NTNG2: variants seen among roughly 807,000 people sequenced by gnomAD.
NTNG2 encodes netrin-G2.
Under a neutral mutation model 47.6 loss-of-function variants are expected in NTNG2, and 15 were observed. The observed-to-expected ratio is 0.32, with a 90% CI of 0.21 to 0.49. NTNG2 has a LOEUF of 0.49. NTNG2 is among the 20% of genes least tolerant of loss of function. The pLI is 0.99. For synonymous variants in NTNG2, 307 were observed against 324.6 expected, an observed-to-expected ratio of 0.95 and a Z score of 0.58; for missense variants, 578 against 764.6, an observed-to-expected ratio of 0.76 and a Z score of 2.88.
rs1841827527 is a variant in NTNG2 at position 132,239,096 on chromosome 9, C to T, written c.1055-8C>T. The T allele has an allele frequency of 1.5e-5, 24 of 1,609,866 alleles. No homozygotes were observed. Among genetic ancestry groups the T allele is most frequent in the Non-Finnish European group, 2.0e-5 (23 of 1,176,620 alleles). On this transcript the variant is annotated splice_polypyrimidine_tract_variant and splice_region_variant and intron_variant, in intron 5 of 7. Transcript: ENST00000393229. ...ACCATTGGTATTTCTCCCACTTGGC[C>T]GGCCCAGACTGCGAATGCTACGGTC...
chr9:132,174,304 C>A (rs1283024019), intron 2 of NTNG2, among the ~76,000 whole-genome samples: 1 of 127,656 alleles, frequency 7.8e-6, no homozygotes, highest in Non-Finnish European at 1.6e-5. Flanking sequence ...CACCATGCTG[C>A]GGATGAGACG....
intron 2 of NTNG2, among the ~76,000 whole-genome samples, chr9:132,169,985 G>A (rs535551956): frequency 2.6e-4 from 40 of 152,310 alleles, no homozygotes; most frequent in African/African-American, 8.9e-4. Context: ...CCACCAGGGG[G>A]CGCCCTAATG....
In NTNG2 at chr9:132,198,032, C is replaced by T. The variant is rs766982407; in HGVS notation, c.280C>T (p.Leu94Phe). ...SNPDLAHPPR[L>F]MFDKEEEGLA... is the part of the protein sequence containing the mutation. ...CCCGGACCTGGCCCACCCGCCCAGG[C>T]TCATGTTCGACAAGGAGGAGGAGGG... The change falls in exon 3 of 8, where the codon CTC (leucine) becomes TTC (phenylalanine). Residue 94 changes from leucine to phenylalanine, a missense_variant. By Grantham distance (22) the Leu-to-Phe change is conservative. Transcript: ENST00000393229. The T allele has an allele frequency of 2.3e-5, 37 of 1,613,596 alleles. 2 individuals carry two copies. The South Asian group carries it at 3.2e-4, about 14-fold the overall frequency.
chr9:132,185,919 G>A (rs1372381471), intron 2 of NTNG2, among the ~76,000 whole-genome samples: 1 of 152,006 alleles, frequency 6.6e-6, no homozygotes, highest in Non-Finnish European at 1.5e-5. Flanking sequence ...AGCAGCGGCT[G>A]AGCGCTCCCG....
chr9:132,198,669 G>A, intron 3 of NTNG2, 60 bp downstream of exon 3: 1 of 1,520,324 alleles, frequency 6.6e-7, no homozygotes, highest in Non-Finnish European at 9.0e-7. Flanking sequence ...TGTTACCTGG[G>A]ACGTTATTGG....
At chr9:132,184,305 T>C (rs1399127373) in intron 2 of NTNG2, among the ~76,000 whole-genome samples, 1 of 152,200 alleles carries the variant, frequency 6.6e-6, no homozygotes, top group Non-Finnish European at 1.5e-5. Context: ...AAGACCTGGT[T>C]CTGAGTATGG....
chr9:132,198,633 T>A (rs1345458507), intron 3 of NTNG2, 24 bp downstream of exon 3: 3 of 1,593,028 alleles, frequency 1.9e-6, no homozygotes, highest in Non-Finnish European at 2.6e-6. Context: ...AAGCCCTGGA[T>A]GTCACCTGCA....
intron 3 of NTNG2, among the ~76,000 whole-genome samples, chr9:132,204,705 T>C (rs1341031094): frequency 6.6e-6 from 1 of 152,180 alleles, no homozygotes; most frequent in African/African-American, 2.4e-5. Context: ...TTATGTGCAT[T>C]TCCTCATTAA....
intron 3 of NTNG2, among the ~76,000 whole-genome samples, chr9:132,199,932 T>A (rs929165237): frequency 6.6e-6 from 1 of 152,298 alleles, no homozygotes; most frequent in Middle Eastern, 3.4e-3. Flanking sequence ...TCCCAAAAAC[T>A]GTTTAGACTG....
At chr9:132,202,136 C>G (rs973643328) in intron 3 of NTNG2, among the ~76,000 whole-genome samples, 4 of 152,204 alleles carry the variant, frequency 2.6e-5, no homozygotes, top group Non-Finnish European at 4.4e-5. Context: ...ATGGAGCGAT[C>G]CCACGGGACT....
rs537801861 is a variant in NTNG2, at chr9:132,228,328, G to A, written c.1030+1307G>A. Among the ~76,000 whole-genome samples, 453 of 152,332 alleles carry A rather than the reference G, an allele frequency of 3.0e-3. 2 individuals are homozygous for A. The highest frequency in any genetic ancestry group is 0.015 in the South Asian group (71 of 4,828). On this transcript the variant is annotated intron_variant, in intron 4 of 7. Coordinates refer to ENST00000393229, the MANE Select transcript of NTNG2 (RefSeq NM_032536.4). ...TTGGCAGGCACCCGACAGCACTCTCGGGTCTTCAAAGGCACAAAGAGCACT... is the reference window on the plus strand; with the variant it reads ...TTGGCAGGCACCCGACAGCACTCTCAGGTCTTCAAAGGCACAAAGAGCACT...
intron 3 of NTNG2, among the ~76,000 whole-genome samples, chr9:132,214,267 C>T (rs1451238449): frequency 2.6e-5 from 4 of 152,350 alleles, no homozygotes; most frequent in South Asian, 2.1e-4. Context: ...AGGGAAGGGC[C>T]CCGCTCACGA....
In NTNG2 at chr9:132,208,644, C is replaced by G. The variant is rs935617670; in HGVS notation, c.857+10035C>G. 6.6e-6 allele frequency among the ~76,000 whole-genome samples: 1 copy of G among 152,028 alleles called. No homozygotes were observed. The highest frequency in any genetic ancestry group is 2.4e-5 in the African/African-American group (1 of 41,388). On this transcript the variant is annotated intron_variant, in intron 3 of 7. Transcript: ENST00000393229. This position sits in a 1 kb window ranked among gnomAD's most constrained non-coding sequence, Gnocchi z 4.0. ...TCATGGAGGACTCCCAGGCATCTGGCTTTGAGACACTGGGTGGATGGAAAT... is the reference window on the plus strand; with the variant it reads ...TCATGGAGGACTCCCAGGCATCTGGGTTTGAGACACTGGGTGGATGGAAAT...
intron 3 of NTNG2, among the ~76,000 whole-genome samples, chr9:132,198,822 C>G (rs7022336): frequency 0.11 from 16,578 of 151,836 alleles, 2,709 homozygotes; most frequent in African/African-American, 0.36. Context: ...TTACCTGGTT[C>G]CCTGGGGGTT....
In NTNG2 at chr9:132,215,006, A is replaced by C. The variant is rs1228743560; in HGVS notation, c.858-11843A>C. Among the ~76,000 whole-genome samples the C allele has an allele frequency of 6.6e-6, 1 of 150,442 alleles. No homozygotes were observed. Among genetic ancestry groups the C allele is most frequent in the Non-Finnish European group, 1.5e-5 (1 of 67,678 alleles). On this transcript the variant is annotated intron_variant, in intron 3 of 7. Transcript: ENST00000393229. This position sits in a 1 kb window ranked among gnomAD's most constrained non-coding sequence, Gnocchi z 4.2. The stretch of plus-strand genomic sequence containing the variant: ...ATCCTCCTGCCTCAGCCTCCGAAGT[A>C]GCTAAGATGACAGGTGCTCACCACC...
At position 132,189,840 on chromosome 9, in the gene NTNG2, G is replaced by T. The variant is rs1489008617; in HGVS notation, c.214-8126G>T. On this transcript the variant is annotated intron_variant, in intron 2 of 7. Transcript: ENST00000393229. ...TTTTTTTAATTTTTAGTAGAGACAG[G>T]GTTTCACCATGTTGGCCAGACTGGT... Among the ~76,000 whole-genome samples the T allele has an allele frequency of 2.0e-5, 3 of 150,932 alleles. 1 individual carries two copies. The East Asian group carries it at 6.0e-4, about 30-fold the overall frequency.
rs1158928988 is a variant in NTNG2 at position 132,195,150 on chromosome 9, C to G, written c.214-2816C>G. Among the ~76,000 whole-genome samples, 8 of 152,242 alleles carry G rather than the reference C, an allele frequency of 5.3e-5. No homozygotes were observed. In the East Asian group the frequency reaches 7.7e-4, roughly 15 times the overall value. On this transcript the variant is annotated intron_variant, in intron 2 of 7. Transcript: ENST00000393229. ...CATTAATAGACTTTATATTTTAAAG[C>G]AGTTTTAGATTTACAGAAAATTGAG...
chr9:132,179,682 G>A (rs547986754), intron 2 of NTNG2, among the ~76,000 whole-genome samples: 107 of 152,344 alleles, frequency 7.0e-4, no homozygotes, highest in Middle Eastern at 6.8e-3. Context: ...CCCCATGTGT[G>A]CAGCTTTTTG....
chr9:132,227,047 A>C, intron 4 of NTNG2, 26 bp downstream of exon 4: 1 of 1,568,434 alleles, frequency 6.4e-7, no homozygotes, highest in Non-Finnish European at 8.6e-7. Flanking sequence ...CGGGGCCACG[A>C]GCCCACATGG....
Sources: gnomAD v4.1 joint callset for allele counts (sites outside exome capture counted in the v4.1 genomes callset) on GRCh38, gnomAD v4.1.1 for gene constraint, Gnocchi (gnomAD v3.1) non-coding constraint, MANE v1.5 for transcripts, NCBI Gene and HGNC (gene_info 2026-07-23, HGNC 2026-07-21) for gene names.